Variants in ITGA1 observed in about 807,000 individuals in gnomAD.
ITGA1 encodes integrin alpha-1.
ITGA1 carries 85 observed loss-of-function variants against 145.9 expected under a neutral mutation model. The observed-to-expected ratio is 0.58, with a 90% CI of 0.49 to 0.70. The LOEUF (loss-of-function observed/expected upper bound fraction) is 0.70, where lower values mean the gene tolerates loss of function less well. Among genes scored for constraint, ITGA1 ranks in the 30% least tolerant of loss-of-function variants. ITGA1 has a pLI of 0.00. For missense variants in ITGA1, 1,351 were observed against 1,418.7 expected (o/e 0.95, Z 0.77); for synonymous variants, 520 against 495.3 (o/e 1.05, Z -0.66).
intron 1 of ITGA1, among the ~76,000 whole-genome samples, chr5:52,823,622 A>C (rs1279027423): frequency 6.6e-6 from 1 of 152,210 alleles, no homozygotes; most frequent in African/African-American, 2.4e-5. Context: ...ATCTTGTCAC[A>C]TGATCCTGCT....
intron 1 of ITGA1, among the ~76,000 whole-genome samples, chr5:52,838,863 G>A (rs972008086): frequency 3.3e-5 from 5 of 152,148 alleles, no homozygotes; most frequent in African/African-American, 4.8e-5. Context: ...TCAGGAGGCC[G>A]AGGCAGGCGG....
intron 20 of ITGA1, among the ~76,000 whole-genome samples, chr5:52,927,994 C>T (rs1320880944): frequency 2.0e-5 from 3 of 152,156 alleles, no homozygotes; most frequent in Non-Finnish European, 4.4e-5. Flanking sequence ...CATGTCAGAA[C>T]ACATAGCAGG....
chr5:52,945,807 T>C (rs1245775949), intron 27 of ITGA1, among the ~76,000 whole-genome samples: 1 of 152,220 alleles, frequency 6.6e-6, no homozygotes, highest in Non-Finnish European at 1.5e-5. Context: ...TTTCAAATTT[T>C]TCCAATATCA....
chr5:52,926,402 ACCAT>A (rs1750809491), intron 19 of ITGA1, among the ~76,000 whole-genome samples: 1 of 152,096 alleles, frequency 6.6e-6, no homozygotes, highest in Admixed American at 6.6e-5. Flanking sequence ...GGAGATCGAG[ACCAT>A]CCAGGCTAAC....
In ITGA1 at chr5:52,932,054, G is replaced by A. The variant is rs199550572; in HGVS notation, c.2779G>A (p.Glu927Lys). 4.3e-5 allele frequency: 69 copies of A among 1,599,772 alleles called. No individual in the cohort carries two copies. In the East Asian group the frequency reaches 5.4e-4, roughly 12 times the overall value. ...TIYLSATSDSEEPPETLSDNV... is the reference protein window; with the variant it reads ...TIYLSATSDSKEPPETLSDNV... ...GTGCCGTGTATTTTCTAGTGACAGC[G>A]AAGAACCTCCTGAAACCCTTTCTGA... The change falls in exon 22 of 29, where the codon GAA becomes AAA. Residue 927 changes from glutamate to lysine, a missense_variant. Physicochemically the swap from Glu to Lys is moderately conservative, Grantham distance 56. Transcript: ENST00000282588.
rs983910010 is a variant in ITGA1 at position 52,788,115 on chromosome 5, C to G, written c.-239C>G. On this transcript the variant is annotated 5_prime_UTR_variant, in exon 1 of 29. Transcript: ENST00000282588. ...AGTGAGATTTCAGAGACCAAGAGCG[C>G]GAAGGGGCGGGCGATGTGGCAATCC... 2 of 428,924 alleles carry G rather than the reference C, an allele frequency of 4.7e-6. No individual in the cohort carries two copies. The highest frequency in any genetic ancestry group is 2.1e-5 in the African/African-American group (1 of 48,368). 26.6% of individuals were successfully genotyped at this position (428,924 alleles called of 1,614,324 possible).
chr5:52,788,275 C>CA lies in ITGA1; in HGVS notation c.-78dup. Reference sequence around the variant, plus strand: ...AACCGCGGCAGCGGGATAAGTGGCCCAGCCAGAGAGCGCAGCTCCCGCGCC... The same window carrying CA: ...AACCGCGGCAGCGGGATAAGTGGCCCAAGCCAGAGAGCGCAGCTCCCGCGCC... On this transcript the variant is annotated 5_prime_UTR_variant, in exon 1 of 29. Coordinates refer to ENST00000282588, the MANE Select transcript of ITGA1 (RefSeq NM_181501.2). 3 of 1,170,052 alleles carry CA rather than the reference C, an allele frequency of 2.6e-6. No individual in the cohort carries two copies. The highest frequency in any genetic ancestry group is 1.7e-5 in the South Asian group (1 of 58,168). The allele number at this position is 1,170,052 out of a possible 1,614,324, so 72.5% of individuals were successfully genotyped here.
chr5:52,905,588 G>C (rs1750388139), intron 11 of ITGA1, 175 bp from the exon 12 acceptor site: 1 of 454,912 alleles, frequency 2.2e-6, no homozygotes, highest in Non-Finnish European at 3.8e-6. Flanking sequence ...GGTAGATAGA[G>C]AGCATATTAA....
rs1247891592 is a variant in ITGA1, at chr5:52,940,009, G to C, written c.3285+65G>C. ...TCAATAAATATTCATTTACCACTTAGAATATGCAAGGCACTGTGCTGCTTT... is the reference window on the plus strand; with the variant it reads ...TCAATAAATATTCATTTACCACTTACAATATGCAAGGCACTGTGCTGCTTT... On this transcript the variant is annotated intron_variant, in intron 26 of 28. Transcript: ENST00000282588. 4.2e-6 allele frequency: 4 copies of C among 961,462 alleles called. No individual in the cohort carries two copies. In the East Asian group the frequency reaches 1.0e-4, roughly 24 times the overall value. 59.6% of individuals were successfully genotyped at this position (961,462 alleles called of 1,614,324 possible). A position where few individuals can be genotyped will look rare whatever the true frequency, so the allele number is the denominator to read the frequency against.
At chr5:52,912,586 CTATAGGTATTATATATAGTGTATCCA>C (rs1750578271) in intron 14 of ITGA1, among the ~76,000 whole-genome samples, 1 of 131,654 alleles carries the variant, frequency 7.6e-6, no homozygotes, top group African/African-American at 2.9e-5. Context: ...AGTGTATCCA[CTATAGGTATTATATATAGTGTATCCA>C]CTATATATTA....
chr5:52,826,110 T>A (rs964470847), intron 1 of ITGA1, among the ~76,000 whole-genome samples: 1 of 152,118 alleles, frequency 6.6e-6, no homozygotes, highest in East Asian at 1.9e-4. Flanking sequence ...AGCTGAGTCA[T>A]GAATGTAAAG....
chr5:52,865,621 A>G (rs938572166), intron 5 of ITGA1, 69 bp from the exon 6 acceptor site: 11 of 1,261,126 alleles, frequency 8.7e-6, no homozygotes, highest in Non-Finnish European at 9.4e-6. Flanking sequence ...TCTTTCAGCC[A>G]TGAAAGCACT....
At chr5:52,893,890 A>G in intron 9 of ITGA1, 50 bp downstream of exon 9, 1 of 1,424,820 alleles carries the variant, frequency 7.0e-7, no homozygotes, top group South Asian at 1.3e-5. Flanking sequence ...ATTCAAAATC[A>G]GTATAATGGG....
intron 1 of ITGA1, among the ~76,000 whole-genome samples, chr5:52,842,589 A>G (rs1416788973): frequency 1.3e-5 from 2 of 152,120 alleles, no homozygotes; most frequent in Admixed American, 6.6e-5. Flanking sequence ...TTCTTGCAGC[A>G]ATTAATACCT....
chr5:52,855,442 G>T (rs377084085), intron 2 of ITGA1, among the ~76,000 whole-genome samples: 1 of 152,124 alleles, frequency 6.6e-6, no homozygotes, highest in East Asian at 1.9e-4. Context: ...TGACACAGTC[G>T]TTAATTCATT....
At position 52,955,342 on chromosome 5, in the gene ITGA1, TAGAC is replaced by T. The variant is rs1227060839; in HGVS notation, c.*2895_*2898del. 6 of 118,262 alleles carry T rather than the reference TAGAC, an allele frequency of 5.1e-5. No individual in the cohort carries two copies. The highest frequency in any genetic ancestry group is 1.5e-4 in the African/African-American group (5 of 32,418). The allele number at this position is 118,262 out of a possible 1,614,324, so 7.3% of individuals were successfully genotyped here. A position where few individuals can be genotyped will look rare whatever the true frequency, so the allele number is the denominator to read the frequency against. On this transcript the variant is annotated 3_prime_UTR_variant, in exon 29 of 29. Transcript: ENST00000282588. ...CACACCACTGAGACAGATTACACGATAGACAGATAGATAGATAGATAGATAGATA... is the reference window on the plus strand; with the variant it reads ...CACACCACTGAGACAGATTACACGATAGATAGATAGATAGATAGATAGATA...
chr5:52,840,251 A>G (rs752464304), intron 1 of ITGA1, among the ~76,000 whole-genome samples: 11 of 152,234 alleles, frequency 7.2e-5, no homozygotes, highest in Non-Finnish European at 1.2e-4. Flanking sequence ...AAGGCTTACA[A>G]TATCATATTT....
At chr5:52,903,708 A>T (rs1750352242) in intron 11 of ITGA1, 1 of 152,188 alleles carries the variant, frequency 6.6e-6, no homozygotes, top group South Asian at 2.1e-4. Context: ...AAATAATCTT[A>T]CTTCTGCTCC....
chr5:52,910,468 C>T (rs760891225), intron 14 of ITGA1, 49 bp downstream of exon 14: 1 of 1,569,590 alleles, frequency 6.4e-7, no homozygotes, highest in African/African-American at 1.4e-5. Flanking sequence ...TAAGTCGGTT[C>T]AATGCCAGGC....
Sources: allele counts gnomAD v4.1 joint callset (sites outside exome capture counted in the v4.1 genomes callset), GRCh38; gene constraint gnomAD v4.1.1; transcripts MANE v1.5; gene names NCBI Gene and HGNC (gene_info 2026-07-23, HGNC 2026-07-21).